MAGI1: variants seen among roughly 807,000 people sequenced by gnomAD.
MAGI1 encodes membrane associated guanylate kinase, WW and PDZ domain containing 1.
Under a neutral mutation model 139.9 loss-of-function variants are expected in MAGI1, and 58 were observed. The ratio of observed to expected loss-of-function variants is 0.41; its 90% CI spans 0.34 to 0.52. The LOEUF is 0.52. Among genes scored for constraint, MAGI1 ranks in the 20% least tolerant of loss-of-function variants. The pLI is 0.12. For synonymous variants in MAGI1, 812 were observed against 737.9 expected, an observed-to-expected ratio of 1.10 and a Z score of -1.63; for missense variants, 1,874 against 1,901.6, an observed-to-expected ratio of 0.99 and a Z score of 0.27.
intron 2 of MAGI1, chr3:65,549,482 G>A (rs1005660807): frequency 8.1e-6 from 8 of 985,230 alleles, no homozygotes; most frequent in Non-Finnish European, 9.6e-6. Context: ...GTGGCCGCCC[G>A]CCTCATCCCC....
chr3:65,456,106 G>A (rs926337821), intron 5 of MAGI1, among the ~76,000 whole-genome samples: 4 of 152,220 alleles, frequency 2.6e-5, no homozygotes, highest in African/African-American at 9.6e-5. Context: ...TTTCTAGAAT[G>A]CCAGACAATC....
At chr3:66,032,289 G>A (rs1042403298) in intron 1 of MAGI1, among the ~76,000 whole-genome samples, 21 of 151,678 alleles carry the variant, frequency 1.4e-4, no homozygotes, top group Non-Finnish European at 2.9e-5. Context: ...TCAGCTCACT[G>A]CAACCTCAGC....
At chr3:65,574,423 T>C (rs2081090535) in intron 2 of MAGI1, among the ~76,000 whole-genome samples, 1 of 146,798 alleles carries the variant, frequency 6.8e-6, no homozygotes. Flanking sequence ...TGACTGGAGA[T>C]GTAAATGACC....
intron 1 of MAGI1, among the ~76,000 whole-genome samples, chr3:65,913,401 CA>C (rs1199781063): frequency 6.6e-6 from 1 of 152,096 alleles, no homozygotes; most frequent in Non-Finnish European, 1.5e-5. Context: ...CCAAAAAATC[CA>C]AAACATGGTT....
chr3:65,872,421 T>C (rs561928095), intron 1 of MAGI1, among the ~76,000 whole-genome samples: 19 of 152,316 alleles, frequency 1.2e-4, no homozygotes, highest in Middle Eastern at 6.8e-3. Flanking sequence ...CCTTCTCCAT[T>C]CTACCTTCAT....
At chr3:65,974,572 T>G (rs2065174453) in intron 1 of MAGI1, among the ~76,000 whole-genome samples, 1 of 152,164 alleles carries the variant, frequency 6.6e-6, no homozygotes, top group Admixed American at 6.5e-5. Context: ...AATCCAAGAC[T>G]GGCCTAGCTG....
intron 1 of MAGI1, among the ~76,000 whole-genome samples, chr3:65,837,878 C>T (rs2058679628): frequency 6.6e-6 from 1 of 152,056 alleles, no homozygotes; most frequent in African/African-American, 2.4e-5. Context: ...CTCAGTTTGA[C>T]CAACCCATGA....
chr3:65,571,872 A>G (rs980448990), intron 2 of MAGI1, among the ~76,000 whole-genome samples: 1 of 152,124 alleles, frequency 6.6e-6, no homozygotes. Flanking sequence ...TGATCATTTG[A>G]TGCACAAAAT....
intron 1 of MAGI1, among the ~76,000 whole-genome samples, chr3:66,014,384 A>G (rs962577980): frequency 6.6e-6 from 1 of 152,182 alleles, no homozygotes; most frequent in Non-Finnish European, 1.5e-5. Context: ...CATCCTATAG[A>G]TGCTGTCTCT....
chr3:65,496,139 T>C (rs1952426896), intron 2 of MAGI1, among the ~76,000 whole-genome samples: 1 of 151,842 alleles, frequency 6.6e-6, no homozygotes, highest in African/African-American at 2.4e-5. Flanking sequence ...ACTACTGGGC[T>C]CAAGAGATCC....
chr3:65,904,303 G>T (rs2061351732), intron 1 of MAGI1, among the ~76,000 whole-genome samples: 1 of 152,168 alleles, frequency 6.6e-6, no homozygotes. Flanking sequence ...CTCAGGATTA[G>T]AAGGGTGATA....
chr3:65,724,717 G>C (rs1160983374), intron 1 of MAGI1, among the ~76,000 whole-genome samples: 1 of 152,174 alleles, frequency 6.6e-6, no homozygotes, highest in Non-Finnish European at 1.5e-5. Flanking sequence ...GACTTGGGAG[G>C]CCTCAGGAAA....
chr3:65,561,992 T>A (rs567631759), intron 2 of MAGI1, among the ~76,000 whole-genome samples: 4 of 152,356 alleles, frequency 2.6e-5, no homozygotes, highest in African/African-American at 9.6e-5. Context: ...TACATGTATT[T>A]ATTCACAATA....
intron 1 of MAGI1, among the ~76,000 whole-genome samples, chr3:65,646,407 C>A (rs1239704968): frequency 3.3e-5 from 5 of 151,912 alleles, no homozygotes; most frequent in African/African-American, 1.2e-4. Flanking sequence ...AATGCAATAA[C>A]TGATAGAACA....
At chr3:65,571,806 T>C (rs1309957759) in intron 2 of MAGI1, among the ~76,000 whole-genome samples, 1 of 152,068 alleles carries the variant, frequency 6.6e-6, no homozygotes, top group Non-Finnish European at 1.5e-5. Flanking sequence ...AATGTGCACA[T>C]GTATTAAACA....
intron 1 of MAGI1, among the ~76,000 whole-genome samples, chr3:65,733,689 G>A (rs1188100317): frequency 1.3e-5 from 2 of 152,202 alleles, no homozygotes; most frequent in African/African-American, 4.8e-5. Context: ...TTCCTTGGAT[G>A]TTTGATCTTA....
At chr3:65,799,526 A>T (rs1342917628) in intron 1 of MAGI1, among the ~76,000 whole-genome samples, 3 of 152,228 alleles carry the variant, frequency 2.0e-5, no homozygotes, top group African/African-American at 7.2e-5. Flanking sequence ...AGAGTTGAAG[A>T]AGCTGTTGAT....
At chr3:65,733,010 G>C (rs139638101) in intron 1 of MAGI1, among the ~76,000 whole-genome samples, 45 of 152,206 alleles carry the variant, frequency 3.0e-4, no homozygotes, top group African/African-American at 1.0e-3. Flanking sequence ...CTGGACTCAG[G>C]GTTCCAAGAT....
intron 1 of MAGI1, among the ~76,000 whole-genome samples, chr3:65,977,077 G>A (rs890194240): frequency 1.3e-5 from 2 of 152,110 alleles, no homozygotes; most frequent in Non-Finnish European, 2.9e-5. Context: ...AGCACCCTGG[G>A]CTTTTTAGTG....
Sources: gnomAD v4.1 joint callset for allele counts (sites outside exome capture counted in the v4.1 genomes callset) on GRCh38, gnomAD v4.1.1 for gene constraint, MANE v1.5 for transcripts, NCBI Gene and HGNC (gene_info 2026-07-23, HGNC 2026-07-21) for gene names.